Variants in PROM1 observed in about 807,000 individuals in gnomAD.
PROM1 encodes the protein prominin 1, also known as prominin-1.
Under a neutral mutation model 116.9 loss-of-function variants are expected in PROM1, and 105 were observed. The observed-to-expected ratio is 0.90, with a 90% CI of 0.77 to 1.06. PROM1 has a LOEUF of 1.06. PROM1 is among the 50% of genes least tolerant of loss of function. The pLI is 0.00. For synonymous variants in PROM1, 393 were observed against 387.0 expected (o/e 1.02, Z -0.18); for missense variants, 1,122 against 1,045.2 (o/e 1.07, Z -1.01).
chr4:15,985,580 T>G lies in PROM1; in HGVS notation c.2280+180A>C, dbSNP rs923721542. On this transcript the variant is annotated intron_variant, in intron 22 of 27. Transcript: ENST00000447510. ...AAGGTGAGCAAAGGGGACCAGGAGG[T>G]GGCTGTCCTCTGACCTGGTGGGAAG... The G allele has an allele frequency of 2.8e-5, 17 of 610,066 alleles. No individual in the cohort carries two copies. The African/African-American group carries it at 3.0e-4, about 11-fold the overall frequency. 37.8% of individuals were successfully genotyped at this position (610,066 alleles called of 1,614,324 possible).
chr4:16,042,969 T>G (rs1302905004), intron 2 of PROM1, among the ~76,000 whole-genome samples: 1 of 152,234 alleles, frequency 6.6e-6, no homozygotes, highest in African/African-American at 2.4e-5. Flanking sequence ...CTTCTCATGA[T>G]TTTTGCTTTT....
chr4:16,041,233 C>T (rs970770811), intron 2 of PROM1, among the ~76,000 whole-genome samples: 11 of 152,186 alleles, frequency 7.2e-5, no homozygotes, highest in African/African-American at 2.7e-4. Context: ...ATATTCTTTG[C>T]CATCAGGCAC....
chr4:15,984,766 C>T (rs2149071785), intron 22 of PROM1, among the ~76,000 whole-genome samples: 1 of 152,134 alleles, frequency 6.6e-6, no homozygotes, highest in Middle Eastern at 3.4e-3. Flanking sequence ...TCACTGTCTC[C>T]CATTACTCCC....
chr4:16,063,304 T>C (rs1740776558), intron 2 of PROM1, among the ~76,000 whole-genome samples: 1 of 151,958 alleles, frequency 6.6e-6, no homozygotes, highest in Non-Finnish European at 1.5e-5. Flanking sequence ...AAATCAAAAA[T>C]AGATGTAAGG....
chr4:16,061,962 A>ACTCACTG (rs1740429126), intron 2 of PROM1, among the ~76,000 whole-genome samples: 1 of 135,268 alleles, frequency 7.4e-6, no homozygotes, highest in Admixed American at 8.5e-5. Context: ...CGCGATCTTG[A>ACTCACTG]CTCACTGCAA....
chr4:15,994,197 T>C (rs1721751770), intron 15 of PROM1, 126 bp from the exon 16 acceptor site: 2 of 1,501,036 alleles, frequency 1.3e-6, no homozygotes, highest in Non-Finnish European at 1.8e-6. Flanking sequence ...GAAGTGGGGC[T>C]GCATGTCCCC....
intron 2 of PROM1, among the ~76,000 whole-genome samples, chr4:16,058,419 A>C (rs1010724790): frequency 3.9e-5 from 6 of 152,202 alleles, no homozygotes; most frequent in Non-Finnish European, 8.8e-5. Flanking sequence ...ATGCCAACGC[A>C]GGTGGATCAC....
intron 2 of PROM1, among the ~76,000 whole-genome samples, chr4:16,062,292 T>C (rs895115587): frequency 6.6e-6 from 1 of 152,224 alleles, no homozygotes. Flanking sequence ...ACAACCTTGT[T>C]TCTAAATAAA....
chr4:16,065,610 T>C (rs1203842758), intron 2 of PROM1, among the ~76,000 whole-genome samples: 3 of 152,218 alleles, frequency 2.0e-5, no homozygotes, highest in Non-Finnish European at 4.4e-5. Flanking sequence ...GCGTCAGGCT[T>C]GGTGCCCAGT....
At position 15,998,466 on chromosome 4, in the gene PROM1, A is replaced by G; in HGVS notation, c.1601T>C (p.Leu534Pro). ...GAGATAGTATTCCCAGTCTTCATTT[A>G]GTAAGTAGGGTGTATCCAAAACCTA... is the stretch of plus-strand genomic sequence containing the variant. ...LFRVLDTPYL[L>P]NEDWEYYLSG... Residue 534 changes from leucine to proline, a missense_variant, in exon 15 of 28, where the codon CTA becomes CCA. Coordinates refer to ENST00000447510, the MANE Select transcript of PROM1 (RefSeq NM_006017.3). The G allele has an allele frequency of 1.2e-6, 2 of 1,608,904 alleles. No individual in the cohort carries two copies. Among genetic ancestry groups the G allele is most frequent in the Non-Finnish European group, 1.7e-6 (2 of 1,178,514 alleles).
intron 15 of PROM1, among the ~76,000 whole-genome samples, chr4:15,995,677 C>T (rs1043124846): frequency 6.6e-6 from 1 of 152,092 alleles, no homozygotes; most frequent in African/African-American, 2.4e-5. Flanking sequence ...GTCCCTCGGC[C>T]GAGGTACCTT....
At chr4:16,004,955 C>T (rs1438833187) in intron 13 of PROM1, among the ~76,000 whole-genome samples, 2 of 94,346 alleles carry the variant, frequency 2.1e-5, no homozygotes, top group East Asian at 3.2e-4. Context: ...CTTTATTTCT[C>T]GCTCTCTCTT....
chr4:16,077,451 TG>T (rs981535853), intron 1 of PROM1, among the ~76,000 whole-genome samples: 39 of 152,192 alleles, frequency 2.6e-4, no homozygotes, highest in Admixed American at 2.3e-3. Flanking sequence ...CACCCAAGAA[TG>T]ATCAATAAAT....
chr4:16,025,577 T>C (rs1731048813), intron 5 of PROM1, among the ~76,000 whole-genome samples: 1 of 152,204 alleles, frequency 6.6e-6, no homozygotes, highest in Non-Finnish European at 1.5e-5. Context: ...AATGGAACAA[T>C]GTTCACAACA....
Position 15,991,221 on chromosome 4 carries a change from C to G in PROM1, c.1983+1G>C, listed in dbSNP as rs777427567. On this transcript the variant is annotated splice_donor_variant, in intron 18 of 27. Coordinates refer to ENST00000447510, the MANE Select transcript of PROM1 (RefSeq NM_006017.3). LOFTEE classifies it high-confidence loss of function. ...TATTTAACCGGACGATTTGAACTCA[C>G]CAAACTGTTTGCTTTTGCTTCTAGA... is the stretch of plus-strand genomic sequence containing the variant. 1.2e-6 allele frequency: 2 copies of G among 1,606,250 alleles called. No individual in the cohort carries two copies. Among genetic ancestry groups the G allele is most frequent in the Non-Finnish European group, 8.5e-7 (1 of 1,176,512 alleles).
chr4:15,985,595 C>G (rs866293364), intron 22 of PROM1, 165 bp downstream of exon 22: 24 of 646,502 alleles, frequency 3.7e-5, no homozygotes, highest in African/African-American at 3.0e-4. Flanking sequence ...GTCCTCTGAC[C>G]TGGTGGGAAG....
intron 26 of PROM1, among the ~76,000 whole-genome samples, chr4:15,974,754 A>G (rs1239910574): frequency 2.6e-5 from 4 of 152,126 alleles, no homozygotes; most frequent in African/African-American, 9.7e-5. Flanking sequence ...TAAAGGCGTG[A>G]GCCACCGCAT....
intron 3 of PROM1, among the ~76,000 whole-genome samples, chr4:16,038,326 G>A (rs1734392605): frequency 6.6e-6 from 1 of 152,192 alleles, no homozygotes; most frequent in South Asian, 2.1e-4. Flanking sequence ...TCTACTTAAT[G>A]AGGGAGTTCT....
chr4:15,998,447 G>A lies in PROM1; in HGVS notation c.1620C>T (p.Tyr540=). The change falls in exon 15 of 28, where the codon TAC becomes TAT. Residue 540 remains tyrosine (Y), a synonymous_variant. Coordinates refer to ENST00000447510, the MANE Select transcript of PROM1 (RefSeq NM_006017.3). ...TPYLLNEDWE[Y]YLSGKLFNKS... ...TATTAAATAGCTTCCCAGAGAGATA[G>A]TATTCCCAGTCTTCATTTAGTAAGT... The A allele has an allele frequency of 6.2e-7, 1 of 1,609,324 alleles. No homozygotes were observed. The highest frequency in any genetic ancestry group is 1.1e-5 in the South Asian group (1 of 89,396).
Sources: gnomAD v4.1 joint callset for allele counts (sites outside exome capture counted in the v4.1 genomes callset) on GRCh38, gnomAD v4.1.1 for gene constraint, MANE v1.5 for transcripts, NCBI Gene and HGNC (gene_info 2026-07-23, HGNC 2026-07-21) for gene names.